ST6GALNAC5: variants seen among roughly 807,000 people sequenced by gnomAD.
ST6GALNAC5 encodes ST6 N-acetylgalactosaminide alpha-2,6-sialyltransferase 5, also known as alpha-N-acetylgalactosaminide alpha-2,6-sialyltransferase 5.
ST6GALNAC5 carries 27 observed loss-of-function variants against 33.6 expected under a neutral mutation model. The observed-to-expected ratio is 0.80, with a 90% CI of 0.59 to 1.11. The LOEUF (loss-of-function observed/expected upper bound fraction) is 1.11, where lower values mean the gene tolerates loss of function less well. ST6GALNAC5 is among the 50% of genes least tolerant of loss of function. The pLI, the probability that ST6GALNAC5 is intolerant of heterozygous loss-of-function variation, is 0.00. For synonymous variants in ST6GALNAC5, 194 were observed against 171.2 expected, an observed-to-expected ratio of 1.13 and a Z score of -1.04; for missense variants, 428 against 454.0, an observed-to-expected ratio of 0.94 and a Z score of 0.52.
intron 2 of ST6GALNAC5, among the ~76,000 whole-genome samples, chr1:76,998,398 A>C (rs1474244900): frequency 6.6e-6 from 1 of 152,140 alleles, no homozygotes. Flanking sequence ...TTTGTCTCTA[A>C]AAAAGTGAAA....
At chr1:77,052,695 A>C (rs1344526640) in intron 4 of ST6GALNAC5, among the ~76,000 whole-genome samples, 2 of 151,840 alleles carry the variant, frequency 1.3e-5, no homozygotes, top group Non-Finnish European at 2.9e-5. Flanking sequence ...GAGGCAAGCA[A>C]ATTGCTTGAG....
chr1:76,878,244 A>G (rs1386822898), intron 2 of ST6GALNAC5, among the ~76,000 whole-genome samples: 4 of 152,146 alleles, frequency 2.6e-5, no homozygotes, highest in Admixed American at 6.5e-5. Flanking sequence ...TCCCACCATA[A>G]TAGCCCTCAC....
intron 4 of ST6GALNAC5, among the ~76,000 whole-genome samples, chr1:77,053,700 G>T (rs1291203200): frequency 2.0e-5 from 3 of 152,164 alleles, no homozygotes; most frequent in African/African-American, 4.8e-5. Flanking sequence ...TACGATAATT[G>T]CATGAAGTCA....
At chr1:77,043,704 G>T in intron 2 of ST6GALNAC5, among the ~76,000 whole-genome samples, 1 of 152,254 alleles carries the variant, frequency 6.6e-6, no homozygotes, top group East Asian at 1.9e-4. Flanking sequence ...TTTCAATAAG[G>T]TGAGTTAAGA....
intron 2 of ST6GALNAC5, among the ~76,000 whole-genome samples, chr1:76,951,915 TAAG>T (rs1647765221): frequency 2.0e-5 from 3 of 152,108 alleles, no homozygotes; most frequent in Admixed American, 1.3e-4. Context: ...CCTTAGTAGG[TAAG>T]AAGAAGGTGA....
At chr1:76,934,042 G>A (rs1000383807) in intron 2 of ST6GALNAC5, among the ~76,000 whole-genome samples, 10 of 151,940 alleles carry the variant, frequency 6.6e-5, no homozygotes, top group Non-Finnish European at 8.8e-5. Context: ...TGGGCTTTTG[G>A]TTCTGAACTT....
intron 2 of ST6GALNAC5, among the ~76,000 whole-genome samples, chr1:76,927,573 A>G (rs1244308697): frequency 2.6e-5 from 4 of 152,168 alleles, no homozygotes; most frequent in Non-Finnish European, 5.9e-5. Context: ...GGGAAAATAA[A>G]TAATTCTTTC....
intron 4 of ST6GALNAC5, among the ~76,000 whole-genome samples, chr1:77,054,235 C>T (rs1230037558): frequency 6.6e-6 from 1 of 152,148 alleles, no homozygotes; most frequent in African/African-American, 2.4e-5. Context: ...CTCTGCCTGT[C>T]AGCAGCATCT....
chr1:76,953,295 T>C (rs146527830), intron 2 of ST6GALNAC5, among the ~76,000 whole-genome samples: 1 of 152,184 alleles, frequency 6.6e-6, no homozygotes, highest in African/African-American at 2.4e-5. Context: ...TTTCCCACCA[T>C]CATGTATGAG....
chr1:76,867,525 G>GTCCCGCGGC lies in ST6GALNAC5; in HGVS notation c.-143_-135dup, dbSNP rs1415625788. 4.3e-5 allele frequency: 50 copies of GTCCCGCGGC among 1,176,084 alleles called. No individual in the cohort carries two copies. Among genetic ancestry groups the GTCCCGCGGC allele is most frequent in the Middle Eastern group, 2.5e-4 (1 of 3,970 alleles). The allele number at this position is 1,176,084 out of a possible 1,614,324, so 72.9% of individuals were successfully genotyped here. A position where few individuals can be genotyped will look rare whatever the true frequency, so the allele number is the denominator to read the frequency against. On this transcript the variant is annotated 5_prime_UTR_variant, in exon 1 of 5. Coordinates refer to ENST00000477717, the MANE Select transcript of ST6GALNAC5 (RefSeq NM_030965.3). Reference sequence around the variant, plus strand: ...TCTCTGCAACAGCCGCGCTTCCCGGGTCCCGCGGCTCCCGCGCGCGATCTG... The same window carrying GTCCCGCGGC: ...TCTCTGCAACAGCCGCGCTTCCCGGGTCCCGCGGCTCCCGCGGCTCCCGCGCGCGATCTG...
intron 2 of ST6GALNAC5, among the ~76,000 whole-genome samples, chr1:77,027,413 C>CCT (rs1379136471): frequency 6.6e-6 from 1 of 152,134 alleles, no homozygotes; most frequent in African/African-American, 2.4e-5. Context: ...GTGTTGAAAA[C>CCT]TGTGCCAAGC....
chr1:76,999,612 G>A (rs1650065372), intron 2 of ST6GALNAC5, among the ~76,000 whole-genome samples: 1 of 151,188 alleles, frequency 6.6e-6, no homozygotes, highest in African/African-American at 2.4e-5. Context: ...CTAGCATTAG[G>A]TATATCTCCC....
In ST6GALNAC5 at chr1:76,868,260, C is replaced by A. The variant is rs958303980; in HGVS notation, c.16-237C>A. On this transcript the variant is annotated intron_variant, in intron 1 of 4. Coordinates refer to ENST00000477717, the MANE Select transcript of ST6GALNAC5 (RefSeq NM_030965.3). The surrounding 1 kb of genome is among the most constrained non-coding windows in gnomAD (Gnocchi z 4.3). ...CAGCCCGGGGCCGTACACCACCTGC[C>A]CTCTACCGAGAGATCTGGGCGGCGG... Among the ~76,000 whole-genome samples the A allele has an allele frequency of 8.5e-5, 13 of 152,078 alleles. No individual in the cohort carries two copies. The highest frequency in any genetic ancestry group is 2.7e-4 in the African/African-American group (11 of 41,436).
intron 2 of ST6GALNAC5, among the ~76,000 whole-genome samples, chr1:76,919,216 A>G (rs1000671006): frequency 7.9e-5 from 12 of 152,254 alleles, no homozygotes; most frequent in Admixed American, 3.9e-4. Flanking sequence ...CCGCCTCAGT[A>G]ACGTGAGGAT....
At chr1:77,055,454 T>A (rs1049835607) in intron 4 of ST6GALNAC5, among the ~76,000 whole-genome samples, 4 of 152,184 alleles carry the variant, frequency 2.6e-5, no homozygotes, top group African/African-American at 9.7e-5. Flanking sequence ...CATGAACACA[T>A]GCATTATTTT....
chr1:77,060,500 T>C (rs1652539945), intron 4 of ST6GALNAC5, among the ~76,000 whole-genome samples: 1 of 152,182 alleles, frequency 6.6e-6, no homozygotes, highest in South Asian at 2.1e-4. Context: ...GGCTCACAGC[T>C]GGGGTAGATG....
chr1:76,990,293 G>T (rs1002774569), intron 2 of ST6GALNAC5, among the ~76,000 whole-genome samples: 17 of 152,034 alleles, frequency 1.1e-4, no homozygotes, highest in Non-Finnish European at 1.3e-4. Context: ...AATAGTACAA[G>T]AATATCTTCA....
chr1:76,876,026 C>T (rs1464194800), intron 2 of ST6GALNAC5, among the ~76,000 whole-genome samples: 2 of 152,164 alleles, frequency 1.3e-5, no homozygotes, highest in Admixed American at 6.5e-5. Flanking sequence ...TGTGGAATAT[C>T]ATAATGGTGG....
chr1:76,983,129 T>A (rs1649327216), intron 2 of ST6GALNAC5, among the ~76,000 whole-genome samples: 1 of 152,102 alleles, frequency 6.6e-6, no homozygotes, highest in African/African-American at 2.4e-5. Context: ...CCAGCAAACA[T>A]CATAATGACA....
Sources: gnomAD v4.1 joint callset for allele counts (sites outside exome capture counted in the v4.1 genomes callset) on GRCh38, gnomAD v4.1.1 for gene constraint, Gnocchi (gnomAD v3.1) non-coding constraint, MANE v1.5 for transcripts, NCBI Gene and HGNC (gene_info 2026-07-23, HGNC 2026-07-21) for gene names.